The following SHISA9 variants were observed in gnomAD, a reference collection of about 807,000 sequenced individuals.
The protein encoded by SHISA9 is protein shisa-9.
A neutral mutation model predicts 38.0 loss-of-function variants in SHISA9; 13 were observed. The observed-to-expected ratio is 0.34, with a 90% confidence interval of 0.22 to 0.54. The LOEUF (loss-of-function observed/expected upper bound fraction) is 0.54, where lower values mean the gene tolerates loss of function less well. Among genes scored for constraint, SHISA9 ranks in the 20% least tolerant of loss-of-function variants. The probability of loss-of-function intolerance (pLI) is 0.91; values close to 1 mark genes in which losing one functional copy is unlikely to be tolerated. For synonymous variants in SHISA9, 275 were observed against 242.0 expected (o/e 1.14, Z -1.27); for missense variants, 538 against 575.8 (o/e 0.93, Z 0.67).
At chr16:13,266,741 G>T in the SHISA9 span, among the ~76,000 whole-genome samples, 1 of 152,190 alleles carries the variant, frequency 6.6e-6, no homozygotes, top group Non-Finnish European at 1.5e-5. Flanking sequence ...GTGGAACAGA[G>T]AGAAAAAAGG....
intron 2 of SHISA9, among the ~76,000 whole-genome samples, chr16:13,167,439 C>T (rs984091176): frequency 6.6e-6 from 1 of 152,156 alleles, no homozygotes; most frequent in Non-Finnish European, 1.5e-5. Flanking sequence ...AGAACACTCG[C>T]CTCCCTTGAC....
the SHISA9 span, among the ~76,000 whole-genome samples, chr16:13,518,952 A>G: frequency 1.3e-5 from 2 of 152,156 alleles, no homozygotes; most frequent in African/African-American, 4.8e-5. Flanking sequence ...CACTTCCACA[A>G]TAATCCCTTC....
the SHISA9 span, among the ~76,000 whole-genome samples, chr16:13,456,459 G>A: frequency 5.3e-5 from 8 of 152,128 alleles, no homozygotes; most frequent in African/African-American, 9.7e-5. Flanking sequence ...TGAATGAATC[G>A]TTCACTGGGG....
intron 2 of SHISA9, among the ~76,000 whole-genome samples, chr16:13,160,506 AATC>A (rs2050585712): frequency 6.6e-6 from 1 of 152,056 alleles, no homozygotes; most frequent in Admixed American, 6.5e-5. Flanking sequence ...TTTTCTACAA[AATC>A]ATGATGCTGA....
At chr16:13,480,026 C>T in the SHISA9 span, among the ~76,000 whole-genome samples, 4 of 152,206 alleles carry the variant, frequency 2.6e-5, no homozygotes, top group South Asian at 8.3e-4. Flanking sequence ...CTCTGTGCCT[C>T]AGTTTTATAA....
At position 13,038,540 on chromosome 16, in the gene SHISA9, C is replaced by T. The variant is rs953698190; in HGVS notation, c.691+121725C>T. 4.6e-5 allele frequency among the ~76,000 whole-genome samples: 7 copies of T among 152,204 alleles called. 1 individual carries two copies. The highest frequency in any genetic ancestry group is 2.6e-4 in the Admixed American group (4 of 15,282). ...TTTCTGCCTCCTCAGGACTTTTGCACGTACTGCTCCTACTGACTAGAACGC... is the reference window on the plus strand; with the variant it reads ...TTTCTGCCTCCTCAGGACTTTTGCATGTACTGCTCCTACTGACTAGAACGC... On this transcript the variant is annotated intron_variant, in intron 2 of 4. Transcript: ENST00000558583.
intron 2 of SHISA9, among the ~76,000 whole-genome samples, chr16:12,931,346 G>A (rs1170880510): frequency 6.6e-6 from 1 of 152,184 alleles, no homozygotes. Context: ...TATATTGTGT[G>A]GTGCTAAGGT....
At chr16:13,297,341 A>C in the SHISA9 span, among the ~76,000 whole-genome samples, 3 of 152,174 alleles carry the variant, frequency 2.0e-5, no homozygotes, top group Admixed American at 1.3e-4. Flanking sequence ...ACTGTTGATA[A>C]TTTGGCCATA....
intron 3 of SHISA9, among the ~76,000 whole-genome samples, chr16:13,205,269 A>G (rs1480133222): frequency 6.6e-6 from 1 of 152,238 alleles, no homozygotes; most frequent in Non-Finnish European, 1.5e-5. Context: ...CATCAGTCCC[A>G]CATCCAGGAA....
chr16:13,292,155 C>G, the SHISA9 span, among the ~76,000 whole-genome samples: 1 of 151,764 alleles, frequency 6.6e-6, no homozygotes, highest in Non-Finnish European at 1.5e-5. Context: ...TGGTGCTGAA[C>G]TAGGAAAAGC....
Position 13,239,953 on chromosome 16 carries a change from A to G in SHISA9, c.*4544A>G, listed in dbSNP as rs1409894307. On this transcript the variant is annotated 3_prime_UTR_variant, in exon 5 of 5. Coordinates refer to ENST00000558583, the MANE Select transcript of SHISA9 (RefSeq NM_001145204.3). The stretch of plus-strand genomic sequence containing the variant: ...GTGACTTCCATGTACCAAGACAAGG[A>G]CGCTATAGCTAGGGTAGTGAGACCT... The G allele has an allele frequency of 2.0e-5, 3 of 152,262 alleles. No individual in the cohort carries two copies. Among genetic ancestry groups the G allele is most frequent in the African/African-American group, 4.8e-5 (2 of 41,466 alleles). The allele number at this position is 152,262 out of a possible 1,614,324, so 9.4% of individuals were successfully genotyped here. A position where few individuals can be genotyped will look rare whatever the true frequency, so the allele number is the denominator to read the frequency against.
intron 2 of SHISA9, among the ~76,000 whole-genome samples, chr16:13,065,467 C>G (rs376102607): frequency 6.6e-6 from 1 of 152,208 alleles, no homozygotes; most frequent in African/African-American, 2.4e-5. Flanking sequence ...GCATGACAAA[C>G]TGAAACTACC....
chr16:13,423,160 C>T, the SHISA9 span, among the ~76,000 whole-genome samples: 1 of 152,204 alleles, frequency 6.6e-6, no homozygotes, highest in Non-Finnish European at 1.5e-5. Flanking sequence ...CTTCTCTGAA[C>T]AGTGGCATCC....
chr16:12,992,492 A>T (rs1007982109), intron 2 of SHISA9, among the ~76,000 whole-genome samples: 2 of 152,060 alleles, frequency 1.3e-5, no homozygotes, highest in Non-Finnish European at 2.9e-5. Flanking sequence ...AGGTTGTGCC[A>T]CTGGACTCCA....
chr16:13,146,085 G>C (rs1054364323), intron 2 of SHISA9, among the ~76,000 whole-genome samples: 1 of 152,234 alleles, frequency 6.6e-6, no homozygotes, highest in Non-Finnish European at 1.5e-5. Context: ...CTACTTGGGA[G>C]GCTGAGGTGG....
At chr16:13,541,162 G>T in the SHISA9 span, among the ~76,000 whole-genome samples, 1 of 152,176 alleles carries the variant, frequency 6.6e-6, no homozygotes, top group Non-Finnish European at 1.5e-5. Flanking sequence ...ACTTCGTGCT[G>T]TTGGGTGCAG....
At chr16:13,242,514 C>T (rs537960880), downstream of SHISA9, among the ~76,000 whole-genome samples, 1 of 152,280 alleles carries the variant, frequency 6.6e-6, no homozygotes, top group South Asian at 2.1e-4. Flanking sequence ...CTGTGTGCTT[C>T]TAGAGACAGG....
chr16:13,213,649 G>A (rs937035531), intron 4 of SHISA9, among the ~76,000 whole-genome samples: 1 of 152,158 alleles, frequency 6.6e-6, no homozygotes, highest in Admixed American at 6.5e-5. Flanking sequence ...TAATGGGGGC[G>A]GGGCGGGGGA....
chr16:12,915,189 G>A (rs761024991), intron 1 of SHISA9, among the ~76,000 whole-genome samples: 3 of 152,200 alleles, frequency 2.0e-5, no homozygotes, highest in African/African-American at 4.8e-5. Context: ...GGCCAGCTGC[G>A]GTGGCTCGTG....
Sources: gnomAD v4.1 joint callset for allele counts (sites outside exome capture counted in the v4.1 genomes callset) on GRCh38, gnomAD v4.1.1 for gene constraint, MANE v1.5 for transcripts, NCBI Gene and HGNC (gene_info 2026-07-23, HGNC 2026-07-21) for gene names.